The following SLCO3A1 variants were observed in gnomAD, a reference collection of about 807,000 sequenced individuals.
SLCO3A1 encodes solute carrier organic anion transporter family member 3A1, also known as PGE1 transporter.
SLCO3A1 carries 27 observed loss-of-function variants against 63.1 expected under a neutral mutation model. The observed-to-expected ratio is 0.43, with a 90% CI of 0.32 to 0.59. The LOEUF is 0.59. Among genes scored for constraint, SLCO3A1 ranks in the 20% least tolerant of loss-of-function variants. The probability of loss-of-function intolerance (pLI) is 0.09; values close to 1 mark genes in which losing one functional copy is unlikely to be tolerated. For missense variants in SLCO3A1, 773 were observed against 945.8 expected, an observed-to-expected ratio of 0.82 and a Z score of 2.40; for synonymous variants, 473 against 409.9, an observed-to-expected ratio of 1.15 and a Z score of -1.86.
intron 1 of SLCO3A1, among the ~76,000 whole-genome samples, chr15:91,871,050 A>T (rs1054674784): frequency 1.3e-5 from 2 of 152,038 alleles, no homozygotes; most frequent in Non-Finnish European, 2.9e-5. Flanking sequence ...TTGCCTTTCC[A>T]GGAGTCTGTG....
At chr15:92,146,609 A>G (rs192375318) in intron 7 of SLCO3A1, among the ~76,000 whole-genome samples, 3 of 152,382 alleles carry the variant, frequency 2.0e-5, no homozygotes, top group Non-Finnish European at 4.4e-5. Context: ...TAACTGCATA[A>G]AAGAGAGGAC....
chr15:91,998,764 T>C (rs2046220253), intron 2 of SLCO3A1, among the ~76,000 whole-genome samples: 1 of 152,202 alleles, frequency 6.6e-6, no homozygotes, highest in Non-Finnish European at 1.5e-5. Context: ...AGAACTACCA[T>C]TCAACTCACC....
intron 9 of SLCO3A1, among the ~76,000 whole-genome samples, chr15:92,159,936 G>A (rs995878206): frequency 2.0e-5 from 3 of 152,032 alleles, no homozygotes; most frequent in African/African-American, 4.8e-5. Flanking sequence ...CCTTTGATGT[G>A]CTTAAAATAT....
intron 2 of SLCO3A1, among the ~76,000 whole-genome samples, chr15:91,925,664 C>T (rs1898989156): frequency 6.6e-6 from 1 of 152,066 alleles, no homozygotes; most frequent in African/African-American, 2.4e-5. Flanking sequence ...GAGAAGTGGA[C>T]TGAGAGAAAT....
chr15:92,058,975 C>T (rs1597270230), intron 2 of SLCO3A1, among the ~76,000 whole-genome samples: 1 of 152,212 alleles, frequency 6.6e-6, no homozygotes, highest in African/African-American at 2.4e-5. Flanking sequence ...TGAGATCCTT[C>T]ATTTCATCTT....
rs1443869111 is a variant in SLCO3A1 at position 91,968,308 on chromosome 15, A to G, written c.646+51850A>G. Among the ~76,000 whole-genome samples, 1 of 152,108 alleles carries G rather than the reference A, an allele frequency of 6.6e-6. No homozygotes were observed. The highest frequency in any genetic ancestry group is 1.5e-5 in the Non-Finnish European group (1 of 68,028). ...GATGGAGGAGAGGAAAGAGAAGTTT[A>G]GCTGGCATCATTAAAATGACTTTCT... On this transcript the variant is annotated intron_variant, in intron 2 of 9. Transcript: ENST00000318445. The surrounding 1 kb of genome is among the most constrained non-coding windows in gnomAD (Gnocchi z 4.2).
At chr15:91,914,019 G>A (rs909904472) in intron 1 of SLCO3A1, among the ~76,000 whole-genome samples, 1 of 152,088 alleles carries the variant, frequency 6.6e-6, no homozygotes, top group Non-Finnish European at 1.5e-5. Flanking sequence ...AACCTTTGCT[G>A]TTCTCCGGTG....
intron 2 of SLCO3A1, among the ~76,000 whole-genome samples, chr15:92,019,065 C>T (rs527706925): frequency 6.8e-6 from 1 of 146,320 alleles, no homozygotes. Flanking sequence ...GTGTGTGCGT[C>T]CTGGGAGGGG....
rs534379124 is a variant in SLCO3A1, at chr15:91,858,728, T to G, written c.180+4640T>G. The stretch of plus-strand genomic sequence containing the variant: ...TTTCTGTTATGCTGCATGGGCTGCT[T>G]CTTGCACGAAGTCATTGGTGAACTG... On this transcript the variant is annotated intron_variant, in intron 1 of 9. Transcript: ENST00000318445. Among the ~76,000 whole-genome samples the G allele has an allele frequency of 1.2e-4, 19 of 152,364 alleles. No homozygotes were observed. In the East Asian group the frequency reaches 3.1e-3, roughly 25 times the overall value.
At chr15:92,090,126 T>C (rs992718582) in intron 2 of SLCO3A1, among the ~76,000 whole-genome samples, 3 of 152,162 alleles carry the variant, frequency 2.0e-5, no homozygotes, top group African/African-American at 4.8e-5. Context: ...TGGAATCAGA[T>C]TGGACATTGC....
chr15:92,072,480 T>A (rs2047228436), intron 2 of SLCO3A1, among the ~76,000 whole-genome samples: 1 of 152,192 alleles, frequency 6.6e-6, no homozygotes. Context: ...ATGGGCCTGT[T>A]TTTCTTTAAA....
At chr15:91,964,043 T>C (rs1305389243) in intron 2 of SLCO3A1, among the ~76,000 whole-genome samples, 2 of 152,188 alleles carry the variant, frequency 1.3e-5, no homozygotes, top group Non-Finnish European at 2.9e-5. Context: ...GATTGGTGCA[T>C]TTACAGTCCT....
At chr15:91,913,048 G>C (rs149339172) in intron 1 of SLCO3A1, among the ~76,000 whole-genome samples, 1 of 152,198 alleles carries the variant, frequency 6.6e-6, no homozygotes, top group East Asian at 1.9e-4. Flanking sequence ...TACTTGCCCA[G>C]ACCCTTCAGA....
Position 92,062,500 on chromosome 15 carries a change from G to A in SLCO3A1, c.647-32381G>A, listed in dbSNP as rs550060604. Among the ~76,000 whole-genome samples the A allele has an allele frequency of 3.9e-5, 6 of 152,296 alleles. No individual in the cohort carries two copies. The East Asian group carries it at 1.2e-3, about 29-fold the overall frequency. On this transcript the variant is annotated intron_variant, in intron 2 of 9. Coordinates refer to ENST00000318445, the MANE Select transcript of SLCO3A1 (RefSeq NM_013272.4). The stretch of plus-strand genomic sequence containing the variant: ...AGCCACTAATGAGTTTTGAGGAGGG[G>A]GTTCGTGTGGTCAAGTTTGTGTCCT...
At chr15:92,146,209 C>G (rs2048220556) in intron 7 of SLCO3A1, among the ~76,000 whole-genome samples, 1 of 152,204 alleles carries the variant, frequency 6.6e-6, no homozygotes. Flanking sequence ...GCCCCTGCTC[C>G]TCCCTTTGCC....
At chr15:91,945,407 G>A (rs544037308) in intron 2 of SLCO3A1, among the ~76,000 whole-genome samples, 174 of 151,934 alleles carry the variant, frequency 1.1e-3, no homozygotes, top group Non-Finnish European at 1.8e-3. Context: ...GAACAAAGGA[G>A]ATAAGGACCC....
intron 10 of SLCO3A1, chr15:92,171,770 C>G: frequency 6.5e-7 from 1 of 1,545,984 alleles, no homozygotes; most frequent in African/African-American, 1.4e-5. Flanking sequence ...CTTCCCTCCT[C>G]CCCCTTTAGG....
chr15:91,914,279 G>A (rs998230169), intron 1 of SLCO3A1, among the ~76,000 whole-genome samples: 2 of 152,176 alleles, frequency 1.3e-5, no homozygotes, highest in African/African-American at 4.8e-5. Context: ...GAAGGGAGAG[G>A]CTGCTCTGTG....
intron 2 of SLCO3A1, among the ~76,000 whole-genome samples, chr15:91,973,071 C>T (rs1000518630): frequency 4.6e-5 from 7 of 152,198 alleles, no homozygotes; most frequent in Admixed American, 1.3e-4. Context: ...GCCGAGATCA[C>T]GCCATTGCAC....
Sources: gnomAD v4.1 joint callset for allele counts (sites outside exome capture counted in the v4.1 genomes callset) on GRCh38, gnomAD v4.1.1 for gene constraint, Gnocchi (gnomAD v3.1) non-coding constraint, MANE v1.5 for transcripts, NCBI Gene and HGNC (gene_info 2026-07-23, HGNC 2026-07-21) for gene names.